The following ARHGAP44 variants were observed in gnomAD, a reference collection of about 807,000 sequenced individuals.
ARHGAP44 encodes rho GTPase-activating protein 44.
In ARHGAP44, 43 loss-of-function variants were observed where a neutral mutation model predicts 106.8. The ratio of observed to expected loss-of-function variants is 0.40; its 90% CI spans 0.32 to 0.52. The LOEUF (loss-of-function observed/expected upper bound fraction) is 0.52, where lower values mean the gene tolerates loss of function less well. Among genes scored for constraint, ARHGAP44 ranks in the 20% least tolerant of loss-of-function variants. The pLI, the probability that ARHGAP44 is intolerant of heterozygous loss-of-function variation, is 0.48. For missense variants in ARHGAP44, 866 were observed against 1,050.5 expected, an observed-to-expected ratio of 0.82 and a Z score of 2.43; for synonymous variants, 439 against 410.3, an observed-to-expected ratio of 1.07 and a Z score of -0.85.
intron 1 of ARHGAP44, among the ~76,000 whole-genome samples, chr17:12,843,327 C>T (rs1057263665): frequency 6.6e-6 from 1 of 152,120 alleles, no homozygotes; most frequent in Admixed American, 6.6e-5. Flanking sequence ...TGGATCTCAC[C>T]ACGGTTCTCT....
intron 1 of ARHGAP44, among the ~76,000 whole-genome samples, chr17:12,860,319 C>T (rs1378500082): frequency 6.6e-6 from 1 of 152,194 alleles, no homozygotes; most frequent in Non-Finnish European, 1.5e-5. Context: ...AGGCTCCTGA[C>T]AATAGCATTT....
intron 1 of ARHGAP44, among the ~76,000 whole-genome samples, chr17:12,874,767 A>G (rs2036502403): frequency 6.6e-6 from 1 of 151,560 alleles, no homozygotes; most frequent in African/African-American, 2.4e-5. Flanking sequence ...CAATTGTATT[A>G]AACATTCTAC....
At chr17:12,956,960 A>G (rs933294134) in intron 15 of ARHGAP44, among the ~76,000 whole-genome samples, 2 of 151,884 alleles carry the variant, frequency 1.3e-5, no homozygotes, top group Admixed American at 6.6e-5. Flanking sequence ...TGTAATCTCT[A>G]TATTTTTTGA....
intron 4 of ARHGAP44, 53 bp downstream of exon 4, chr17:12,909,026 C>T (rs66643297): frequency 0.097 from 140,969 of 1,455,056 alleles, 11,665 homozygotes; most frequent in African/African-American, 0.35. Flanking sequence ...AGTCCCCATC[C>T]GTGAAAAGGG....
chr17:12,962,913 C>CGTG (rs1567711739), intron 16 of ARHGAP44, among the ~76,000 whole-genome samples: 9 of 151,986 alleles, frequency 5.9e-5, no homozygotes, highest in Non-Finnish European at 1.3e-4. Context: ...GGCATCGTGG[C>CGTG]GCATGCCTGT....
chr17:12,811,250 T>C (rs567170779), intron 1 of ARHGAP44, among the ~76,000 whole-genome samples: 1 of 151,468 alleles, frequency 6.6e-6, no homozygotes, highest in East Asian at 1.9e-4. Flanking sequence ...GAGGCGGAGC[T>C]TGCAGTGAGC....
chr17:12,831,392 A>T (rs767001119), intron 1 of ARHGAP44, among the ~76,000 whole-genome samples: 8 of 152,210 alleles, frequency 5.3e-5, no homozygotes, highest in Non-Finnish European at 1.0e-4. Context: ...GGGGCAGTTT[A>T]ATGGGTAACA....
At chr17:12,944,302 A>T in intron 10 of ARHGAP44, 106 bp downstream of exon 10, 1 of 1,391,842 alleles carries the variant, frequency 7.2e-7, no homozygotes, top group South Asian at 1.7e-5. Context: ...GGCCCCCACG[A>T]ATCCAAATGG....
At position 12,963,351 on chromosome 17, in the gene ARHGAP44, G is replaced by T. The variant is rs575879197; in HGVS notation, c.1523+4454G>T. Among the ~76,000 whole-genome samples, 42 of 152,220 alleles carry T rather than the reference G, an allele frequency of 2.8e-4. No individual in the cohort carries two copies. The South Asian group carries it at 8.3e-3, about 30-fold the overall frequency. On this transcript the variant is annotated intron_variant, in intron 16 of 20. Transcript: ENST00000379672. ...CTTGTAGATTCTTCCTGGGTCTCTG[G>T]AGACAGTCACTCTTGGAGCCCAGTA...
chr17:12,885,058 A>G (rs1278257324), intron 1 of ARHGAP44, among the ~76,000 whole-genome samples: 1 of 151,994 alleles, frequency 6.6e-6, no homozygotes, highest in Non-Finnish European at 1.5e-5. Flanking sequence ...CCACAACCAC[A>G]TCCAGCTAAT....
intron 1 of ARHGAP44, among the ~76,000 whole-genome samples, chr17:12,826,855 C>T (rs1418382758): frequency 4.6e-5 from 7 of 152,256 alleles, no homozygotes; most frequent in East Asian, 1.9e-4. Context: ...GGTGTCTTTA[C>T]GACTGTTCCC....
Position 12,956,725 on chromosome 17 carries a change from G to A in ARHGAP44, c.1321G>A (p.Ala441Thr), listed in dbSNP as rs745311396. ...GATCATTGAACCTATCATCCAGCATGCAGACTGGTTCTTCCCTGGGGGTAG... is the reference window on the plus strand; with the variant it reads ...GATCATTGAACCTATCATCCAGCATACAGACTGGTTCTTCCCTGGGGGTAG... ...VGIIEPIIQH[A>T]DWFFPGEIEF... The change falls in exon 15 of 21, where the codon GCA (alanine) becomes ACA (threonine). Residue 441 changes from alanine to threonine, a missense_variant. Coordinates refer to ENST00000379672, the MANE Select transcript of ARHGAP44 (RefSeq NM_014859.6). The A allele has an allele frequency of 2.5e-6, 4 of 1,614,128 alleles. No individual in the cohort carries two copies. The highest frequency in any genetic ancestry group is 2.5e-6 in the Non-Finnish European group (3 of 1,180,012).
At chr17:12,803,387 G>A (rs753521155) in intron 1 of ARHGAP44, among the ~76,000 whole-genome samples, 15 of 152,230 alleles carry the variant, frequency 9.9e-5, no homozygotes, top group East Asian at 1.9e-4. Context: ...AATTGCAGGC[G>A]TGAGCCACCA....
At chr17:12,954,579 C>T (rs11078096) in intron 13 of ARHGAP44, among the ~76,000 whole-genome samples, 27,764 of 152,094 alleles carry the variant, frequency 0.18, 3,222 homozygotes, top group East Asian at 0.54. Flanking sequence ...GGACATGAGT[C>T]TGCTGGACTT....
At position 12,932,478 on chromosome 17, in the gene ARHGAP44, T is replaced by C. The variant is rs376986704; in HGVS notation, c.582+3432T>C. On this transcript the variant is annotated intron_variant, in intron 7 of 20. Transcript: ENST00000379672. Reference sequence around the variant, plus strand: ...CAGATACCTTTTCCAGTCTGCCATTTGTCTTTTGACTTTATGTTGACATCT... The same window carrying C: ...CAGATACCTTTTCCAGTCTGCCATTCGTCTTTTGACTTTATGTTGACATCT... Among the ~76,000 whole-genome samples the C allele has an allele frequency of 2.0e-5, 3 of 152,234 alleles. No homozygotes were observed. The South Asian group carries it at 6.2e-4, about 31-fold the overall frequency.
At chr17:12,916,058 G>A (rs778490853) in intron 5 of ARHGAP44, 47 bp downstream of exon 5, 9 of 1,432,942 alleles carry the variant, frequency 6.3e-6, no homozygotes, top group South Asian at 3.5e-5. Context: ...AGGAGGTACC[G>A]AACAGGAGCC....
At chr17:12,954,264 G>A (rs562184627) in intron 13 of ARHGAP44, among the ~76,000 whole-genome samples, 36 of 152,272 alleles carry the variant, frequency 2.4e-4, no homozygotes, top group African/African-American at 8.4e-4. Context: ...AACGGATGGT[G>A]GTGACAGGTT....
chr17:12,879,735 C>T (rs906716416), intron 1 of ARHGAP44, among the ~76,000 whole-genome samples: 25 of 147,258 alleles, frequency 1.7e-4, no homozygotes, highest in African/African-American at 4.7e-4. Context: ...TATATATATA[C>T]ACACACACAC....
chr17:12,968,103 T>G (rs2039435914), intron 16 of ARHGAP44, among the ~76,000 whole-genome samples: 1 of 152,132 alleles, frequency 6.6e-6, no homozygotes, highest in South Asian at 2.1e-4. Flanking sequence ...TAGCTGTTCT[T>G]AGTACAGGAA....
Sources: gnomAD v4.1 joint callset for allele counts (sites outside exome capture counted in the v4.1 genomes callset) on GRCh38, gnomAD v4.1.1 for gene constraint, MANE v1.5 for transcripts, NCBI Gene and HGNC (gene_info 2026-07-23, HGNC 2026-07-21) for gene names.